The following MAGI2 variants were observed in gnomAD, a reference collection of about 807,000 sequenced individuals.
The protein encoded by MAGI2 is membrane-associated guanylate kinase, WW and PDZ domain-containing protein 2.
In MAGI2, 35 loss-of-function variants were observed where a neutral mutation model predicts 133.3. That is an observed-to-expected ratio of 0.26 (90% confidence interval 0.20 to 0.35). The LOEUF is 0.35. Ranked by LOEUF, MAGI2 falls within the 10% of genes least tolerant of loss-of-function variation. The pLI is 1.00. For missense variants in MAGI2, 1,636 were observed against 1,863.4 expected (o/e 0.88, Z 2.25); for synonymous variants, 729 against 710.6 (o/e 1.03, Z -0.41).
intron 6 of MAGI2, among the ~76,000 whole-genome samples, chr7:78,369,764 G>C (rs1793737609): frequency 6.6e-6 from 1 of 151,582 alleles, no homozygotes. Context: ...TTAAAAATAA[G>C]GTATAAAATT....
In MAGI2 at chr7:78,057,248, AT is replaced by A. The variant is rs530991112; in HGVS notation, c.3706+21698del. 2.2e-4 allele frequency among the ~76,000 whole-genome samples: 33 copies of A among 151,860 alleles called. No homozygotes were observed. In the South Asian group the frequency reaches 6.7e-3, roughly 31 times the overall value. On this transcript the variant is annotated intron_variant, in intron 21 of 21. Transcript: ENST00000354212. The stretch of plus-strand genomic sequence containing the variant: ...CACTTGTTATTTTCTGTGTATTTTT[AT>A]TTTTATTTTTGAGATGGAGTTTTGC...
Position 78,392,526 on chromosome 7 carries a change from G to C in MAGI2, c.1046-23313C>G, listed in dbSNP as rs550857561. Among the ~76,000 whole-genome samples the C allele has an allele frequency of 2.6e-5, 4 of 152,182 alleles. No homozygotes were observed. The East Asian group carries it at 7.7e-4, about 29-fold the overall frequency. ...ATAGATCAACTAATGGAATGTTTTT[G>C]GATACTAGGTTGAAGAGTCTGAAGT... On this transcript the variant is annotated intron_variant, in intron 6 of 21. Transcript: ENST00000354212.
intron 9 of MAGI2, among the ~76,000 whole-genome samples, chr7:78,296,666 C>T (rs1333247282): frequency 3.3e-5 from 5 of 152,202 alleles, no homozygotes; most frequent in African/African-American, 7.2e-5. Flanking sequence ...TATTAGCTCA[C>T]TCCCTTTTCT....
intron 5 of MAGI2, 64 bp from the exon 6 acceptor site, chr7:78,489,904 G>GAAA (rs3086374): frequency 0.038 from 37,913 of 993,286 alleles, 1 homozygote; most frequent in South Asian, 0.067. Flanking sequence ...TATTCCTTAA[G>GAAA]AAAAAAAAAG....
intron 4 of MAGI2, among the ~76,000 whole-genome samples, chr7:78,511,214 T>TTA (rs1411095381): frequency 6.6e-6 from 1 of 152,168 alleles, no homozygotes; most frequent in African/African-American, 2.4e-5. Context: ...GTGTTGATTT[T>TTA]TATATATGGG....
At chr7:78,074,235 C>G (rs1020473531) in intron 21 of MAGI2, among the ~76,000 whole-genome samples, 2 of 152,150 alleles carry the variant, frequency 1.3e-5, no homozygotes, top group Admixed American at 1.3e-4. Context: ...TCCCCCAGCT[C>G]ACTTGGAGTC....
At chr7:78,893,060 G>C (rs1371183487) in intron 2 of MAGI2, among the ~76,000 whole-genome samples, 1 of 151,396 alleles carries the variant, frequency 6.6e-6, no homozygotes, top group Non-Finnish European at 1.5e-5. Flanking sequence ...CCATCAAAAA[G>C]TGGGCAAAGG....
intron 1 of MAGI2, among the ~76,000 whole-genome samples, chr7:79,434,019 A>T (rs1847967875): frequency 6.6e-6 from 1 of 152,164 alleles, no homozygotes; most frequent in Admixed American, 6.5e-5. Context: ...TGAACTGCTT[A>T]ATCTATCATT....
chr7:78,644,102 T>C (rs1810587285), intron 2 of MAGI2, among the ~76,000 whole-genome samples: 1 of 151,952 alleles, frequency 6.6e-6, no homozygotes, highest in Non-Finnish European at 1.5e-5. Context: ...TTCAAAATAA[T>C]AAAGGAGTCA....
intron 1 of MAGI2, among the ~76,000 whole-genome samples, chr7:79,033,309 C>T (rs1461006675): frequency 6.6e-6 from 1 of 152,146 alleles, no homozygotes; most frequent in Admixed American, 6.5e-5. Context: ...AGGTTTTACA[C>T]CATTTGGTCA....
At chr7:78,850,533 C>A (rs146515366) in intron 2 of MAGI2, among the ~76,000 whole-genome samples, 4 of 152,184 alleles carry the variant, frequency 2.6e-5, no homozygotes, top group African/African-American at 9.6e-5. Context: ...TATTTCGTAT[C>A]CTTTTAGTGA....
intron 9 of MAGI2, among the ~76,000 whole-genome samples, chr7:78,305,871 TATAA>T (rs1253122075): frequency 6.6e-6 from 1 of 152,222 alleles, no homozygotes; most frequent in African/African-American, 2.4e-5. Context: ...TCTAGTCATT[TATAA>T]ATAAATGTCA....
rs146802017 is a variant in MAGI2 at position 79,334,056 on chromosome 7, C to A, written c.301+118964G>T. Among the ~76,000 whole-genome samples the A allele has an allele frequency of 3.9e-5, 6 of 152,180 alleles. No homozygotes were observed. The East Asian group carries it at 1.2e-3, about 29-fold the overall frequency. ...GCTATCTAATTATTCACCCAGCAAC[C>A]CATCCGTGTCATCTCTATACACATC... On this transcript the variant is annotated intron_variant, in intron 1 of 21. Transcript: ENST00000354212.
intron 1 of MAGI2, among the ~76,000 whole-genome samples, chr7:79,377,665 C>A (rs533072192): frequency 3.0e-4 from 45 of 151,738 alleles, no homozygotes; most frequent in African/African-American, 1.1e-3. Flanking sequence ...AAATTTGAAC[C>A]AATGTAACAG....
Position 78,201,191 on chromosome 7 carries a change from A to T in MAGI2, c.2050T>A (p.Phe684Ile), listed in dbSNP as rs559436375. 3 of 1,473,732 alleles carry T rather than the reference A, an allele frequency of 2.0e-6. No homozygotes were observed. Among genetic ancestry groups the T allele is most frequent in the South Asian group, 2.7e-5 (2 of 73,002 alleles). 91.3% of individuals were successfully genotyped at this position (1,473,732 alleles called of 1,614,324 possible). A position where few individuals can be genotyped will look rare whatever the true frequency, so the allele number is the denominator to read the frequency against. ...ETSLIIHRGG[F>I]FSPWKTPKPI... ...TTTGGAGTTTTCCATGGAGAAAAGA[A>T]ACCTGTAATAAAGAAAACAATATTT... Residue 684 changes from phenylalanine (F) to isoleucine (I), a missense_variant and splice_region_variant, in exon 11 of 22, where the codon TTC becomes ATC. Physicochemically the swap from Phe to Ile is conservative, Grantham distance 21. This residue lies in a region of MAGI2 where 920 missense variants were observed against 1,093.5 expected (regional missense o/e 0.84). Transcript: ENST00000354212.
chr7:78,188,952 G>A (rs776092788), intron 12 of MAGI2, among the ~76,000 whole-genome samples: 1 of 152,126 alleles, frequency 6.6e-6, no homozygotes, highest in Non-Finnish European at 1.5e-5. Flanking sequence ...TACCATATAT[G>A]ATGCGGCTTC....
chr7:78,669,091 A>T (rs924414549), intron 2 of MAGI2, among the ~76,000 whole-genome samples: 1 of 152,170 alleles, frequency 6.6e-6, no homozygotes, highest in African/African-American at 2.4e-5. Flanking sequence ...TGAAGCAAAT[A>T]GAGACACAAA....
intron 2 of MAGI2, among the ~76,000 whole-genome samples, chr7:78,837,354 G>C (rs192145746): frequency 2.0e-5 from 3 of 151,974 alleles, no homozygotes; most frequent in African/African-American, 7.3e-5. Flanking sequence ...ATTTATGCTT[G>C]GTTTGATTAA....
At chr7:78,936,648 C>A (rs537093797) in intron 2 of MAGI2, among the ~76,000 whole-genome samples, 5 of 151,934 alleles carry the variant, frequency 3.3e-5, no homozygotes, top group Non-Finnish European at 7.4e-5. Context: ...AATTAAATTT[C>A]AAAAACCACC....
Sources: gnomAD v4.1 joint callset for allele counts (sites outside exome capture counted in the v4.1 genomes callset) on GRCh38, gnomAD v4.1.1 for gene constraint, gnomAD v4.1.1 regional missense constraint, MANE v1.5 for transcripts, NCBI Gene and HGNC (gene_info 2026-07-23, HGNC 2026-07-21) for gene names.